Variants in HAO1 observed in about 807,000 individuals in gnomAD.
The protein encoded by HAO1 is hydroxyacid oxidase 1, also known as 2-Hydroxyacid oxidase 1.
HAO1 carries 34 observed loss-of-function variants against 39.7 expected under a neutral mutation model. The observed-to-expected ratio is 0.86, with a 90% CI of 0.65 to 1.14. HAO1 has a LOEUF of 1.14. Ranked by LOEUF, HAO1 falls within the 50% of genes most tolerant of loss-of-function variation. The pLI, the probability that HAO1 is intolerant of heterozygous loss-of-function variation, is 0.00. For synonymous variants in HAO1, 172 were observed against 173.2 expected, an observed-to-expected ratio of 0.99 and a Z score of 0.05; for missense variants, 479 against 464.5, an observed-to-expected ratio of 1.03 and a Z score of -0.29.
At chr20:7,894,334 C>T (rs1307943432) in intron 5 of HAO1, among the ~76,000 whole-genome samples, 1 of 152,126 alleles carries the variant, frequency 6.6e-6, no homozygotes, top group African/African-American at 2.4e-5. Context: ...AGTCCCACAC[C>T]TTTCAGGACA....
rs766371127 is a variant in HAO1, at chr20:7,895,124, A to G, written c.813+9T>C. 1 of 1,579,832 alleles carries G rather than the reference A, an allele frequency of 6.3e-7. No individual in the cohort carries two copies. Among genetic ancestry groups the G allele is most frequent in the East Asian group, 2.2e-5 (1 of 44,710 alleles). On this transcript the variant is annotated intron_variant, in intron 5 of 7. Coordinates refer to ENST00000378789, the MANE Select transcript of HAO1 (RefSeq NM_017545.3). ...CCAAAAGGAAATCTTAGCGTCTGCC[A>G]AAACTCACAGTGGCTGGCACCCCAT... is the stretch of plus-strand genomic sequence containing the variant.
rs1213232595 is a variant in HAO1, at chr20:7,940,368, G to C, written c.55C>G (p.Leu19Val). The C allele has an allele frequency of 6.2e-7, 1 of 1,612,086 alleles. No individual in the cohort carries two copies. The highest frequency in any genetic ancestry group is 2.2e-5 in the East Asian group (1 of 44,808). ...NDYEQHAKSV[L>V]PKSIYDYYRS... ...TAATAGTCATATATAGACTTTGGAA[G>C]TACTGATTTAGCATGTTGTTCATAA... The change falls in exon 1 of 8, where the codon CTT becomes GTT. Residue 19 changes from leucine to valine, a missense_variant. Physicochemically the swap from Leu to Val is conservative, Grantham distance 32. Transcript: ENST00000378789.
chr20:7,906,347 T>C lies in HAO1; in HGVS notation c.546-18A>G. The C allele has an allele frequency of 6.9e-7, 1 of 1,455,866 alleles. No homozygotes were observed. Among genetic ancestry groups the C allele is most frequent in the Non-Finnish European group, 9.6e-7 (1 of 1,040,750 alleles). The allele number at this position is 1,455,866 out of a possible 1,614,324, so 90.2% of individuals were successfully genotyped here. On this transcript the variant is annotated intron_variant, in intron 3 of 7. Transcript: ENST00000378789. ...TTTTCATCCTAAAATAAGAAATGCATAAAATGAGAAATTTGCCAAATTAGA... is the reference window on the plus strand; with the variant it reads ...TTTTCATCCTAAAATAAGAAATGCACAAAATGAGAAATTTGCCAAATTAGA...
chr20:7,907,309 T>C (rs2223274), intron 3 of HAO1, among the ~76,000 whole-genome samples: 84,040 of 151,924 alleles, frequency 0.55, 26,657 homozygotes, highest in East Asian at 0.99. Flanking sequence ...TGAGTCACAA[T>C]CCACACAGCA....
At chr20:7,909,373 A>T in intron 3 of HAO1, among the ~76,000 whole-genome samples, 1 of 101,060 alleles carries the variant, frequency 9.9e-6, no homozygotes, top group East Asian at 4.3e-4. Context: ...ATATATATAT[A>T]TATATGTATA....
intron 2 of HAO1, among the ~76,000 whole-genome samples, chr20:7,919,606 T>C (rs997609377): frequency 6.6e-6 from 1 of 152,214 alleles, no homozygotes; most frequent in Non-Finnish European, 1.5e-5. Context: ...ATCCATGAAG[T>C]ACGTTCTATC....
chr20:7,919,205 G>A (rs1212425180), intron 2 of HAO1, among the ~76,000 whole-genome samples: 1 of 152,128 alleles, frequency 6.6e-6, no homozygotes, highest in Admixed American at 6.6e-5. Flanking sequence ...GAAATACCTA[G>A]GAGCCTACAC....
In HAO1 at chr20:7,895,225, C is replaced by T. The variant is rs750481341; in HGVS notation, c.722-1G>A. On this transcript the variant is annotated splice_acceptor_variant, in intron 4 of 7. Transcript: ENST00000378789. LOFTEE classifies it high-confidence loss of function. ...TTAACAGCCTCCCTGGCATCATCAC[C>T]TGGAGAGAGTAAAACAAGCACCTTA... 1.3e-6 allele frequency: 2 copies of T among 1,597,120 alleles called. No individual in the cohort carries two copies. The highest frequency in any genetic ancestry group is 2.2e-5 in the East Asian group (1 of 44,772).
Position 7,885,533 on chromosome 20 carries a change from T to C in HAO1, c.1030A>G (p.Met344Val), listed in dbSNP as rs1243233274. 1.2e-6 allele frequency: 2 copies of C among 1,609,082 alleles called. No homozygotes were observed. Among genetic ancestry groups the C allele is most frequent in the Non-Finnish European group, 8.5e-7 (1 of 1,175,482 alleles). ...EILKEEFRLA[M>V]ALSGCQNVKV... ...GAATGAGTCTTACCACTCAGAGCCA[T>C]GGCCAACCGGAATTCTTCCTTTAGT... The change falls in exon 7 of 8, where the codon ATG (methionine) becomes GTG (valine). Residue 344 changes from methionine to valine, a missense_variant. Coordinates refer to ENST00000378789, the MANE Select transcript of HAO1 (RefSeq NM_017545.3).
chr20:7,894,491 A>C (rs1297942635), intron 5 of HAO1, among the ~76,000 whole-genome samples: 3 of 152,178 alleles, frequency 2.0e-5, no homozygotes, highest in Non-Finnish European at 4.4e-5. Context: ...AGATTCTGAT[A>C]AATAGACCTG....
intron 4 of HAO1, among the ~76,000 whole-genome samples, chr20:7,901,559 A>G (rs542925160): frequency 6.6e-6 from 1 of 152,356 alleles, no homozygotes; most frequent in East Asian, 1.9e-4. Context: ...TCAAAATATC[A>G]CTGCTCATTG....
At chr20:7,931,196 TCTC>T (rs1223125451) in intron 2 of HAO1, among the ~76,000 whole-genome samples, 1 of 152,142 alleles carries the variant, frequency 6.6e-6, no homozygotes, top group African/African-American at 2.4e-5. Context: ...TCCATTGCCT[TCTC>T]CAATTCCTCT....
chr20:7,903,290 CTTTT>C (rs36037568), intron 4 of HAO1, among the ~76,000 whole-genome samples: 2 of 144,620 alleles, frequency 1.4e-5, no homozygotes, highest in East Asian at 2.0e-4. Flanking sequence ...CTCTCCTTAT[CTTTT>C]TTTTTTTTTT....
At chr20:7,923,803 C>G (rs2050345898) in intron 2 of HAO1, among the ~76,000 whole-genome samples, 1 of 152,162 alleles carries the variant, frequency 6.6e-6, no homozygotes, top group Non-Finnish European at 1.5e-5. Context: ...GCTCCAGAGT[C>G]CTGCTGACGC....
intron 7 of HAO1, among the ~76,000 whole-genome samples, chr20:7,884,146 C>A (rs1329002985): frequency 6.6e-6 from 1 of 152,172 alleles, no homozygotes; most frequent in East Asian, 1.9e-4. Flanking sequence ...GCCATTCTTT[C>A]TAGCTACAGG....
intron 2 of HAO1, among the ~76,000 whole-genome samples, chr20:7,915,969 T>C (rs948475451): frequency 3.3e-5 from 5 of 152,182 alleles, no homozygotes; most frequent in African/African-American, 1.2e-4. Flanking sequence ...ACCATTTATG[T>C]TGTCTTTTAA....
chr20:7,885,863 A>C lies in HAO1; in HGVS notation c.815T>G (p.Ile272Ser). ...ARQLDGVPAT[I>S]DVLPEIVEAV... ...CTCCACAATTTCTGGCAGAACATCA[A>C]TCTGGGGAAAGAAAAGTTCAATAAT... The change falls in exon 6 of 8, where the codon ATT becomes AGT. Residue 272 changes from isoleucine to serine, a missense_variant and splice_region_variant. Coordinates refer to ENST00000378789, the MANE Select transcript of HAO1 (RefSeq NM_017545.3). 6.2e-7 allele frequency: 1 copy of C among 1,612,422 alleles called. No homozygotes were observed. The highest frequency in any genetic ancestry group is 8.5e-7 in the Non-Finnish European group (1 of 1,178,776).
At position 7,911,872 on chromosome 20, in the gene HAO1, A is replaced by G. The variant is rs981076898; in HGVS notation, c.545+2292T>C. Among the ~76,000 whole-genome samples, 20 of 152,340 alleles carry G rather than the reference A, an allele frequency of 1.3e-4. 1 individual carries two copies. Among genetic ancestry groups the G allele is most frequent in the South Asian group, 6.2e-4 (3 of 4,826 alleles). ...GAAACCGATTTCATATCAGGCTATA[A>G]CAGATGAGCTTTTGGGGTGTATTTG... On this transcript the variant is annotated intron_variant, in intron 3 of 7. Transcript: ENST00000378789.
chr20:7,896,375 G>C (rs1433940560), intron 4 of HAO1, among the ~76,000 whole-genome samples: 1 of 152,078 alleles, frequency 6.6e-6, no homozygotes, highest in Non-Finnish European at 1.5e-5. Context: ...AATGGGTATA[G>C]GTCATTGGTA....
Sources: allele counts gnomAD v4.1 joint callset (sites outside exome capture counted in the v4.1 genomes callset), GRCh38; gene constraint gnomAD v4.1.1; transcripts MANE v1.5; gene names NCBI Gene and HGNC (gene_info 2026-07-23, HGNC 2026-07-21).